The following GPC5 variants were observed in gnomAD, a reference collection of about 807,000 sequenced individuals.
GPC5 encodes glypican-5.
A neutral mutation model predicts 53.9 loss-of-function variants in GPC5; 47 were observed. The observed-to-expected ratio is 0.87, with a 90% CI of 0.69 to 1.11. GPC5 has a LOEUF of 1.11. Ranked by LOEUF, GPC5 falls within the 50% of genes most tolerant of loss-of-function variation. The probability of loss-of-function intolerance (pLI) is 0.00; values close to 1 mark genes in which losing one functional copy is unlikely to be tolerated. For missense variants in GPC5, 748 were observed against 713.1 expected (o/e 1.05, Z -0.56); for synonymous variants, 286 against 263.3 (o/e 1.09, Z -0.84).
intron 7 of GPC5, among the ~76,000 whole-genome samples, chr13:92,257,545 G>GTTTTTTTTTTTTTTTTTTTTT (rs1566507028): frequency 8.0e-5 from 4 of 50,048 alleles, no homozygotes; most frequent in African/African-American, 4.9e-4. Flanking sequence ...CTAATACAGG[G>GTTTTTTTTTTTTTTTTTTTTT]ATTTTTTTTT....
intron 1 of GPC5, among the ~76,000 whole-genome samples, chr13:91,436,932 C>A (rs1880023037): frequency 6.6e-6 from 1 of 152,108 alleles, no homozygotes; most frequent in Admixed American, 6.5e-5. Flanking sequence ...ATCCCTTTAC[C>A]ATTATGTAAT....
intron 7 of GPC5, among the ~76,000 whole-genome samples, chr13:92,757,340 T>G (rs1874928414): frequency 6.6e-6 from 1 of 152,166 alleles, no homozygotes; most frequent in Non-Finnish European, 1.5e-5. Flanking sequence ...TCAAGATGGA[T>G]TAAAGACTTA....
intron 6 of GPC5, among the ~76,000 whole-genome samples, chr13:91,972,658 C>A (rs984281359): frequency 1.5e-4 from 23 of 152,266 alleles, no homozygotes; most frequent in Admixed American, 1.4e-3. Context: ...TTAGGGCAGG[C>A]CTGGTGGTGA....
intron 5 of GPC5, among the ~76,000 whole-genome samples, chr13:91,801,001 G>T (rs1392497370): frequency 6.6e-6 from 1 of 151,896 alleles, no homozygotes; most frequent in South Asian, 2.1e-4. Flanking sequence ...ATTATTCAAG[G>T]CTTAGACAAT....
chr13:92,614,746 A>G (rs1007119323), intron 7 of GPC5, among the ~76,000 whole-genome samples: 6 of 152,188 alleles, frequency 3.9e-5, no homozygotes, highest in African/African-American at 1.2e-4. Context: ...CATTTTCTCA[A>G]CAATGTAATG....
At chr13:92,759,349 A>T (rs1291636927) in intron 7 of GPC5, among the ~76,000 whole-genome samples, 1 of 151,964 alleles carries the variant, frequency 6.6e-6, no homozygotes, top group South Asian at 2.1e-4. Flanking sequence ...AACATTTAAG[A>T]CACTACTTTT....
intron 2 of GPC5, among the ~76,000 whole-genome samples, chr13:91,571,904 T>TACATG (rs1485058372): frequency 1.6e-5 from 1 of 62,748 alleles, no homozygotes; most frequent in Non-Finnish European, 3.0e-5. Context: ...TATACACATA[T>TACATG]TGTATATATA....
intron 7 of GPC5, among the ~76,000 whole-genome samples, chr13:92,571,387 G>T (rs779363701): frequency 6.6e-6 from 1 of 152,158 alleles, no homozygotes; most frequent in Admixed American, 6.6e-5. Context: ...GAAAGAAGGA[G>T]CCAGGCCATG....
chr13:92,355,889 T>A (rs2139274250), intron 7 of GPC5, among the ~76,000 whole-genome samples: 1 of 151,738 alleles, frequency 6.6e-6, no homozygotes, highest in East Asian at 1.9e-4. Context: ...ATCATTTTTT[T>A]TTTTTTTTTT....
At chr13:92,748,122 C>T (rs1220026031) in intron 7 of GPC5, among the ~76,000 whole-genome samples, 1 of 151,820 alleles carries the variant, frequency 6.6e-6, no homozygotes, top group Non-Finnish European at 1.5e-5. Context: ...TATAAGACTA[C>T]AAGAAACAGG....
At chr13:92,205,962 A>C (rs1310102158) in intron 7 of GPC5, among the ~76,000 whole-genome samples, 1 of 148,922 alleles carries the variant, frequency 6.7e-6, no homozygotes, top group Non-Finnish European at 1.5e-5. Context: ...CAATCGCTGG[A>C]ACACAAGAGG....
At chr13:92,755,036 G>C (rs1326674393) in intron 7 of GPC5, among the ~76,000 whole-genome samples, 2 of 151,956 alleles carry the variant, frequency 1.3e-5, no homozygotes, top group African/African-American at 4.8e-5. Flanking sequence ...CATTTTTTCA[G>C]CACCACACCA....
chr13:91,648,008 T>TTGC (rs2034602820), intron 2 of GPC5, among the ~76,000 whole-genome samples: 1 of 152,224 alleles, frequency 6.6e-6, no homozygotes, highest in South Asian at 2.1e-4. Context: ...TGAAAGGTAA[T>TTGC]TGCTGCTGCT....
intron 7 of GPC5, among the ~76,000 whole-genome samples, chr13:92,768,101 C>T (rs182252332): frequency 2.0e-5 from 3 of 152,188 alleles, no homozygotes; most frequent in African/African-American, 7.2e-5. Flanking sequence ...AATGCATTAA[C>T]CAAATATAAA....
intron 5 of GPC5, among the ~76,000 whole-genome samples, chr13:91,896,319 C>T (rs1383159533): frequency 6.6e-6 from 1 of 151,992 alleles, no homozygotes; most frequent in Non-Finnish European, 1.5e-5. Context: ...TGGAGTTTCA[C>T]CGTGTTAGCC....
intron 6 of GPC5, among the ~76,000 whole-genome samples, chr13:91,986,221 A>G (rs2040406780): frequency 6.6e-6 from 1 of 151,572 alleles, no homozygotes; most frequent in Non-Finnish European, 1.5e-5. Flanking sequence ...ACCCACCACC[A>G]TGCCCGGCTA....
chr13:92,830,230 G>T (rs188999955), intron 7 of GPC5, among the ~76,000 whole-genome samples: 111 of 151,418 alleles, frequency 7.3e-4, no homozygotes, highest in African/African-American at 2.6e-3. Flanking sequence ...GTTTTTTTTC[G>T]TGTTTTGTGC....
rs532575424 is a variant in GPC5 at position 92,236,530 on chromosome 13, C to CT, written c.1561+91548dup. 3.7e-3 allele frequency among the ~76,000 whole-genome samples: 555 copies of CT among 152,032 alleles called. 4 individuals carry two copies. Among genetic ancestry groups the CT allele is most frequent in the African/African-American group, 0.013 (534 of 41,492 alleles). On this transcript the variant is annotated intron_variant, in intron 7 of 7. Coordinates refer to ENST00000377067, the MANE Select transcript of GPC5 (RefSeq NM_004466.6). The stretch of plus-strand genomic sequence containing the variant: ...TGGAACTGTAACTGAACTTCCCTCA[C>CT]TTTTTTTCATATATGTTTTAATATT...
chr13:92,349,342 T>C (rs552680770), intron 7 of GPC5, among the ~76,000 whole-genome samples: 411 of 152,058 alleles, frequency 2.7e-3, no homozygotes, highest in Non-Finnish European at 4.9e-3. Flanking sequence ...ATAGGGTTTC[T>C]CCATGTTGGT....
Sources: allele counts gnomAD v4.1 joint callset (sites outside exome capture counted in the v4.1 genomes callset), GRCh38; gene constraint gnomAD v4.1.1; transcripts MANE v1.5; gene names NCBI Gene and HGNC (gene_info 2026-07-23, HGNC 2026-07-21).